The following RAB5C variants were observed in gnomAD, a reference collection of about 807,000 sequenced individuals.
RAB5C encodes the protein ras-related protein Rab-5C.
Under a neutral mutation model 25.2 loss-of-function variants are expected in RAB5C, and 4 were observed. That is an observed-to-expected ratio of 0.16 (90% CI 0.08 to 0.36). The LOEUF (loss-of-function observed/expected upper bound fraction) is 0.36, where lower values mean the gene tolerates loss of function less well. Among genes scored for constraint, RAB5C ranks in the 10% least tolerant of loss-of-function variants. RAB5C has a pLI of 1.00. For missense variants in RAB5C, 199 were observed against 283.8 expected (o/e 0.70, Z 2.15); for synonymous variants, 100 against 106.4 (o/e 0.94, Z 0.37).
chr17:42,149,149 G>A (rs2079654832), intron 1 of RAB5C, among the ~76,000 whole-genome samples: 1 of 152,104 alleles, frequency 6.6e-6, no homozygotes, highest in African/African-American at 2.4e-5. Flanking sequence ...CCTGGATTTT[G>A]GCACATCCTA....
In RAB5C at chr17:42,125,531, T is replaced by C. The variant is rs548087135; in HGVS notation, c.*252A>G. On this transcript the variant is annotated 3_prime_UTR_variant, in exon 6 of 6. Transcript: ENST00000346213. ...GGAGAGCAGTAGAAAGGGGAGGAAG[T>C]GGGAAGAGCAGAAGATCATATATAT... 5 of 417,882 alleles carry C rather than the reference T, an allele frequency of 1.2e-5. No individual in the cohort carries two copies. The highest frequency in any genetic ancestry group is 1.0e-4 in the African/African-American group (5 of 48,864). 25.9% of individuals were successfully genotyped at this position (417,882 alleles called of 1,614,324 possible).
intron 1 of RAB5C, among the ~76,000 whole-genome samples, chr17:42,146,241 C>G (rs978651271): frequency 6.6e-6 from 1 of 152,122 alleles, no homozygotes; most frequent in Non-Finnish European, 1.5e-5. Flanking sequence ...GATCCTGGAA[C>G]AGCAAAAGGA....
At chr17:42,133,095 T>C (rs893307873) in intron 1 of RAB5C, among the ~76,000 whole-genome samples, 1 of 152,184 alleles carries the variant, frequency 6.6e-6, no homozygotes, top group African/African-American at 2.4e-5. Flanking sequence ...CACAGTAATC[T>C]TGCAGTTTCT....
At chr17:42,130,859 G>A (rs2054478324) in intron 1 of RAB5C, among the ~76,000 whole-genome samples, 1 of 151,940 alleles carries the variant, frequency 6.6e-6, no homozygotes, top group African/African-American at 2.4e-5. Context: ...ATTGACTTCT[G>A]GATCCCAAAT....
In RAB5C at chr17:42,147,140, AAGAAAGAGAGAGAGAG is replaced by A. The variant is rs1333060946; in HGVS notation, c.-89+7737_-89+7752del. On this transcript the variant is annotated intron_variant, in intron 1 of 5. Coordinates refer to ENST00000346213, the MANE Select transcript of RAB5C (RefSeq NM_004583.4). ...AGAAAGAAACAGAAAGAAAGAAAGA[AAGAAAGAGAGAGAGAG>A]AGAGAGAGAGAGAGAAAGAAAGAAA... 2.9e-4 allele frequency among the ~76,000 whole-genome samples: 43 copies of A among 149,030 alleles called. No homozygotes were observed. In the East Asian group the frequency reaches 3.5e-3, roughly 12 times the overall value.
Position 42,128,708 on chromosome 17 carries a change from C to A in RAB5C, c.259G>T (p.Ala87Ser). The part of the protein sequence containing the change: ...TAGQERYHSL[A>S]PMYYRGAQAA... The stretch of plus-strand genomic sequence containing the variant: ...TGGGCCCCCCGATAGTACATGGGGG[C>A]CAGGCTGTGATACCGCTCCTGTCCA... The change falls in exon 3 of 6, where the codon GCC becomes TCC. Residue 87 changes from alanine (A) to serine (S), a missense_variant. This residue lies in a region of RAB5C where 154 missense variants were observed against 199.6 expected (regional missense o/e 0.77). Transcript: ENST00000346213. 1 of 1,573,148 alleles carries A rather than the reference C, an allele frequency of 6.4e-7. No individual in the cohort carries two copies. The highest frequency in any genetic ancestry group is 1.9e-5 in the Admixed American group (1 of 53,176).
At chr17:42,148,337 G>A (rs1270325110) in intron 1 of RAB5C, among the ~76,000 whole-genome samples, 10 of 149,526 alleles carry the variant, frequency 6.7e-5, no homozygotes, top group Admixed American at 3.3e-4. Context: ...CCCAGGAGGC[G>A]GAGGTTACAG....
intron 1 of RAB5C, among the ~76,000 whole-genome samples, chr17:42,144,598 G>T (rs568116449): frequency 6.6e-6 from 1 of 152,058 alleles, no homozygotes; most frequent in Non-Finnish European, 1.5e-5. Context: ...TGGATCACGA[G>T]GTCAGGAACT....
intron 5 of RAB5C, 145 bp from the exon 6 acceptor site, chr17:42,126,043 T>C: frequency 1.6e-6 from 1 of 637,092 alleles, no homozygotes; most frequent in South Asian, 2.0e-5. Flanking sequence ...TCTGATTGTT[T>C]TCAGGAAACT....
chr17:42,145,247 A>G (rs190732477), intron 1 of RAB5C, among the ~76,000 whole-genome samples: 23 of 152,282 alleles, frequency 1.5e-4, no homozygotes, highest in African/African-American at 5.3e-4. Context: ...GAACATGAAC[A>G]TAAGTCCCTG....
chr17:42,148,387 G>A (rs553283669), intron 1 of RAB5C, among the ~76,000 whole-genome samples: 5 of 135,446 alleles, frequency 3.7e-5, no homozygotes, highest in African/African-American at 1.5e-4. Context: ...CTGGGTGAGA[G>A]GTCAAGACTC....
chr17:42,138,629 T>A (rs578258484), intron 1 of RAB5C, among the ~76,000 whole-genome samples: 1 of 152,304 alleles, frequency 6.6e-6, no homozygotes, highest in East Asian at 1.9e-4. Flanking sequence ...TCATTCTTTT[T>A]TCAATAAGAT....
At position 42,128,391 on chromosome 17, in the gene RAB5C, G is replaced by GACAGGGACAGAATGTC; in HGVS notation, c.319-24_319-9dup. ...GGCCCGTGCAAATGTATCCTGAGGA[G>GACAGGGACAGAATGTC]ACAGGGACAGAATGTCGAAGGGACA... On this transcript the variant is annotated splice_polypyrimidine_tract_variant and intron_variant, in intron 3 of 5. Coordinates refer to ENST00000346213, the MANE Select transcript of RAB5C (RefSeq NM_004583.4). The GACAGGGACAGAATGTC allele has an allele frequency of 6.2e-7, 1 of 1,609,976 alleles. No homozygotes were observed. The highest frequency in any genetic ancestry group is 1.3e-5 in the African/African-American group (1 of 74,928).
At chr17:42,143,355 G>A (rs933428240) in intron 1 of RAB5C, among the ~76,000 whole-genome samples, 2 of 152,204 alleles carry the variant, frequency 1.3e-5, no homozygotes, top group African/African-American at 4.8e-5. Context: ...GTAAGCCTGG[G>A]GCCGGGAGTG....
Position 42,125,859 on chromosome 17 carries a change from C to A in RAB5C, c.575G>T (p.Gly192Val). The change falls in exon 6 of 6, where the codon GGT (glycine) becomes GTT (valine). Residue 192 changes from glycine to valine, a missense_variant. Transcript: ENST00000346213. ...LPKNEPQNAT[G>V]APGRNRGVDL... Reference sequence around the variant, plus strand: ...CACACCTCGGTTTCGGCCTGGAGCACCAGTTGCATTCTGGGGCTCGTTCTT... The same window carrying A: ...CACACCTCGGTTTCGGCCTGGAGCAACAGTTGCATTCTGGGGCTCGTTCTT... 1 of 1,612,018 alleles carries A rather than the reference C, an allele frequency of 6.2e-7. No homozygotes were observed. The highest frequency in any genetic ancestry group is 8.5e-7 in the Non-Finnish European group (1 of 1,179,260).
rs1379055044 is a variant in RAB5C, at chr17:42,125,575, C to A, written c.*208G>T. ...TATATATTAAAAAAGTGACTTAAGACTTAAAATTGAATTAGTATTTGTACA... is the reference window on the plus strand; with the variant it reads ...TATATATTAAAAAAGTGACTTAAGAATTAAAATTGAATTAGTATTTGTACA... On this transcript the variant is annotated 3_prime_UTR_variant, in exon 6 of 6. Transcript: ENST00000346213. The A allele has an allele frequency of 3.7e-6, 2 of 540,150 alleles. No homozygotes were observed. Among genetic ancestry groups the A allele is most frequent in the African/African-American group, 3.8e-5 (2 of 52,192 alleles). 33.5% of individuals were successfully genotyped at this position (540,150 alleles called of 1,614,324 possible). A position where few individuals can be genotyped will look rare whatever the true frequency, so the allele number is the denominator to read the frequency against.
intron 1 of RAB5C, among the ~76,000 whole-genome samples, chr17:42,151,059 G>C (rs1374762826): frequency 6.6e-6 from 1 of 152,174 alleles, no homozygotes; most frequent in African/African-American, 2.4e-5. Flanking sequence ...GGGGGAATCA[G>C]GATGAGAACT....
At chr17:42,148,316 A>G (rs1321681986) in intron 1 of RAB5C, among the ~76,000 whole-genome samples, 1 of 150,306 alleles carries the variant, frequency 6.7e-6, no homozygotes, top group Admixed American at 6.6e-5. Flanking sequence ...GAAGCAGGAG[A>G]ATCACTTGAA....
intron 1 of RAB5C, among the ~76,000 whole-genome samples, chr17:42,142,505 C>T (rs1384738797): frequency 6.6e-6 from 1 of 152,218 alleles, no homozygotes; most frequent in Admixed American, 6.5e-5. Context: ...GGTTTGGAAA[C>T]TGGCGTCATT....
Sources: gnomAD v4.1 joint callset for allele counts (sites outside exome capture counted in the v4.1 genomes callset) on GRCh38, gnomAD v4.1.1 for gene constraint, gnomAD v4.1.1 regional missense constraint, MANE v1.5 for transcripts, NCBI Gene and HGNC (gene_info 2026-07-23, HGNC 2026-07-21) for gene names.